The following RFPL1 variants were observed in gnomAD, a reference collection of about 807,000 sequenced individuals.
RFPL1 encodes the protein ret finger protein like 1, also known as ret finger protein-like 1.
A neutral mutation model predicts 9.6 loss-of-function variants in RFPL1; 6 were observed. The ratio of observed to expected loss-of-function variants is 0.62; its 90% CI spans 0.34 to 1.23. The LOEUF is 1.23. Among genes scored for constraint, RFPL1 ranks in the 50% most tolerant of loss-of-function variants. The pLI is 0.03. For missense variants in RFPL1, 352 were observed against 398.4 expected (o/e 0.88, Z 0.99); for synonymous variants, 145 against 149.4 (o/e 0.97, Z 0.22).
the RFPL1 span, among the ~76,000 whole-genome samples, chr22:29,407,576 A>C: frequency 6.6e-6 from 1 of 151,666 alleles, no homozygotes; most frequent in Non-Finnish European, 1.5e-5. Flanking sequence ...CATTGATTTA[A>C]TTTCTAAAAT....
the RFPL1 span, among the ~76,000 whole-genome samples, chr22:29,416,007 C>T: frequency 2.0e-5 from 3 of 152,196 alleles, no homozygotes; most frequent in African/African-American, 7.2e-5. Context: ...GCATTGGAGA[C>T]ACCTGAGGAT....
the RFPL1 span, among the ~76,000 whole-genome samples, chr22:29,411,711 G>T: frequency 2.6e-5 from 4 of 152,208 alleles, no homozygotes; most frequent in Non-Finnish European, 5.9e-5. Flanking sequence ...AGAAGTCGGA[G>T]CAGGAGGGTC....
At chr22:29,412,004 G>A in the RFPL1 span, among the ~76,000 whole-genome samples, 6 of 152,140 alleles carry the variant, frequency 3.9e-5, no homozygotes, top group East Asian at 1.9e-4. Flanking sequence ...CCTGTCTGCC[G>A]AGAGTATGGT....
the RFPL1 span, among the ~76,000 whole-genome samples, chr22:29,428,603 C>A: frequency 6.6e-6 from 1 of 152,138 alleles, no homozygotes; most frequent in Non-Finnish European, 1.5e-5. Context: ...GGTCACAAAG[C>A]AAGTCTCAAA....
the RFPL1 span, among the ~76,000 whole-genome samples, chr22:29,412,129 A>G: frequency 5.3e-5 from 8 of 152,172 alleles, no homozygotes; most frequent in East Asian, 1.5e-3. Context: ...GAGGGGCAGA[A>G]CAGGAATCAG....
chr22:29,391,634 GGC>G, the RFPL1 span, among the ~76,000 whole-genome samples: 1 of 152,180 alleles, frequency 6.6e-6, no homozygotes, highest in Non-Finnish European at 1.5e-5. Flanking sequence ...CACAGCACCG[GGC>G]GGCTCAGGAA....
At chr22:29,415,085 G>T in the RFPL1 span, among the ~76,000 whole-genome samples, 1 of 151,830 alleles carries the variant, frequency 6.6e-6, no homozygotes, top group Non-Finnish European at 1.5e-5. Context: ...AAACCAAAGT[G>T]CTGATAAAGG....
chr22:29,441,824 G>A lies in RFPL1; in HGVS notation c.656G>A (p.Ser219Asn), dbSNP rs772640752. The stretch of plus-strand genomic sequence containing the variant: ...ACAGAGCGTGGATTCTGGACTGTGA[G>A]TTTGAGGGATGGAAGCCGCCTCTCT... The change falls in exon 2 of 2, where the codon AGT becomes AAT. Residue 219 changes from serine (S) to asparagine (N), a missense_variant. Ser to Asn is a conservative substitution (Grantham distance 46). Coordinates refer to ENST00000354373, the Ensembl canonical transcript of RFPL1. 16 of 1,614,004 alleles carry A rather than the reference G, an allele frequency of 9.9e-6. No homozygotes were observed. The highest frequency in any genetic ancestry group is 1.3e-5 in the African/African-American group (1 of 75,032).
chr22:29,442,174 C>A (rs1186552469), exon 2 of RFPL1: 1 of 1,377,208 alleles, frequency 7.3e-7, no homozygotes, highest in Non-Finnish European at 9.9e-7. Context: ...CTTGGGTGGG[C>A]AGACTTAGGA....
the RFPL1 span, among the ~76,000 whole-genome samples, chr22:29,390,395 A>G: frequency 0.02 from 3,098 of 152,108 alleles, 111 homozygotes; most frequent in African/African-American, 0.071. Flanking sequence ...AAAGCCTTTA[A>G]AAGTTATTTT....
chr22:29,419,619 G>A, the RFPL1 span, among the ~76,000 whole-genome samples: 3 of 152,048 alleles, frequency 2.0e-5, no homozygotes, highest in East Asian at 3.9e-4. Context: ...CCTGGCCAAC[G>A]TAGTGAAACC....
At chr22:29,437,663 C>T, upstream of RFPL1, 2 of 1,591,888 alleles carry the variant, frequency 1.3e-6, no homozygotes, top group East Asian at 4.6e-5. Context: ...CCTCATGTGC[C>T]CCTTCCGCAC....
At chr22:29,406,746 CTG>C in the RFPL1 span, among the ~76,000 whole-genome samples, 4 of 152,210 alleles carry the variant, frequency 2.6e-5, no homozygotes, top group Non-Finnish European at 5.9e-5. Flanking sequence ...ATGTCAAGCA[CTG>C]TCTTTATTAT....
the RFPL1 span, among the ~76,000 whole-genome samples, chr22:29,413,489 G>A: frequency 6.6e-6 from 1 of 152,072 alleles, no homozygotes; most frequent in Non-Finnish European, 1.5e-5. Context: ...ATAGTCCTTG[G>A]TGCCTTCTTA....
At chr22:29,393,206 G>T in the RFPL1 span, among the ~76,000 whole-genome samples, 1 of 152,168 alleles carries the variant, frequency 6.6e-6, no homozygotes, top group African/African-American at 2.4e-5. Context: ...ACCAGGCACT[G>T]TGTGAAGCGC....
the RFPL1 span, among the ~76,000 whole-genome samples, chr22:29,421,063 T>C: frequency 6.6e-6 from 1 of 152,148 alleles, no homozygotes; most frequent in Non-Finnish European, 1.5e-5. Context: ...TGTGAGAGGC[T>C]CAGTAACGTA....
the RFPL1 span, among the ~76,000 whole-genome samples, chr22:29,391,194 T>C: frequency 6.6e-6 from 1 of 151,992 alleles, no homozygotes; most frequent in South Asian, 2.1e-4. Context: ...TTTTTTTTTC[T>C]TTTGGCTTCA....
chr22:29,424,904 A>G, the RFPL1 span, among the ~76,000 whole-genome samples: 1 of 141,680 alleles, frequency 7.1e-6, no homozygotes, highest in Non-Finnish European at 1.5e-5. Context: ...TATATGTTAT[A>G]GAAAACCACA....
At chr22:29,413,887 C>T in the RFPL1 span, among the ~76,000 whole-genome samples, 1 of 152,238 alleles carries the variant, frequency 6.6e-6, no homozygotes, top group African/African-American at 2.4e-5. Flanking sequence ...TTGCTTAAAC[C>T]TTCAAAACTA....
Sources: gnomAD v4.1 joint callset for allele counts (sites outside exome capture counted in the v4.1 genomes callset) on GRCh38, gnomAD v4.1.1 for gene constraint, MANE v1.5 for transcripts, NCBI Gene and HGNC (gene_info 2026-07-23, HGNC 2026-07-21) for gene names.